Variants in FILIP1L observed in about 807,000 individuals in gnomAD.
The protein encoded by FILIP1L is filamin A-interacting protein 1-like.
In FILIP1L, 55 loss-of-function variants were observed where a neutral mutation model predicts 96.6. That is an observed-to-expected ratio of 0.57 (90% confidence interval 0.46 to 0.71). The LOEUF (loss-of-function observed/expected upper bound fraction) is 0.71, where lower values mean the gene tolerates loss of function less well. Among genes scored for constraint, FILIP1L ranks in the 30% least tolerant of loss-of-function variants. FILIP1L has a pLI of 0.00. For missense variants in FILIP1L, 1,304 were observed against 1,321.2 expected (o/e 0.99, Z 0.20); for synonymous variants, 467 against 473.9 (o/e 0.99, Z 0.19).
intron 1 of FILIP1L, among the ~76,000 whole-genome samples, chr3:99,984,800 A>G (rs780125884): frequency 9.2e-5 from 14 of 152,228 alleles, no homozygotes; most frequent in Non-Finnish European, 1.9e-4. Context: ...TGATAAAATC[A>G]AGGATCATAT....
chr3:99,881,762 A>G (rs539171755), intron 4 of FILIP1L, among the ~76,000 whole-genome samples: 1 of 152,274 alleles, frequency 6.6e-6, no homozygotes, highest in African/African-American at 2.4e-5. Context: ...CGAACTCCTG[A>G]CTTCAGGTGA....
chr3:100,004,098 C>G (rs1197218659), intron 1 of FILIP1L, among the ~76,000 whole-genome samples: 4 of 152,184 alleles, frequency 2.6e-5, no homozygotes, highest in Admixed American at 6.5e-5. Flanking sequence ...ATTCGGCCTA[C>G]TGAGAGACAG....
intron 1 of FILIP1L, among the ~76,000 whole-genome samples, chr3:99,954,004 G>C (rs1708250416): frequency 1.3e-5 from 2 of 152,320 alleles, no homozygotes; most frequent in East Asian, 3.9e-4. Context: ...CCTTATTTTT[G>C]TTGCACCCTT....
In FILIP1L at chr3:100,104,584, G is replaced by A. The variant is rs532584925; in HGVS notation, c.-11+9469C>T. On this transcript the variant is annotated intron_variant, in intron 1 of 5. Coordinates refer to ENST00000477258, the MANE Select transcript of FILIP1L (RefSeq NM_001387850.1). Reference sequence around the variant, plus strand: ...ACAGTGACCAAGGCAGAGAAGAACCGAGTACAGATCTGGCTGACCAAGGCC... The same window carrying A: ...ACAGTGACCAAGGCAGAGAAGAACCAAGTACAGATCTGGCTGACCAAGGCC... Among the ~76,000 whole-genome samples the A allele has an allele frequency of 1.4e-4, 22 of 152,262 alleles. No individual in the cohort carries two copies. In the East Asian group the frequency reaches 3.5e-3, roughly 24 times the overall value.
chr3:100,033,397 A>G (rs1357240782), intron 1 of FILIP1L, among the ~76,000 whole-genome samples: 2 of 152,072 alleles, frequency 1.3e-5, no homozygotes, highest in Admixed American at 6.6e-5. Context: ...CTTCCATCAA[A>G]CCCTCATTCC....
At chr3:99,894,929 T>C (rs1399267847) in intron 4 of FILIP1L, among the ~76,000 whole-genome samples, 1 of 152,246 alleles carries the variant, frequency 6.6e-6, no homozygotes, top group East Asian at 1.9e-4. Context: ...TGGGACCCTA[T>C]GTGTTACACG....
chr3:99,857,856 T>G (rs1944046041), intron 4 of FILIP1L, among the ~76,000 whole-genome samples: 1 of 152,244 alleles, frequency 6.6e-6, no homozygotes, highest in Non-Finnish European at 1.5e-5. Flanking sequence ...AATTTAATGT[T>G]TCTGATGTTA....
intron 4 of FILIP1L, among the ~76,000 whole-genome samples, chr3:99,861,252 AC>A (rs1944237454): frequency 6.6e-6 from 1 of 152,222 alleles, no homozygotes; most frequent in Non-Finnish European, 1.5e-5. Flanking sequence ...TGTCAGACTA[AC>A]AGTTTCAGGT....
intron 3 of FILIP1L, chr3:99,925,915 C>T (rs1304752627): frequency 1.0e-6 from 1 of 983,876 alleles, no homozygotes; most frequent in South Asian, 4.7e-5. Flanking sequence ...GGTAAGCTGC[C>T]ACCAGAAAAA....
At chr3:100,000,429 G>C (rs1381514817) in intron 1 of FILIP1L, among the ~76,000 whole-genome samples, 1 of 152,204 alleles carries the variant, frequency 6.6e-6, no homozygotes, top group Non-Finnish European at 1.5e-5. Context: ...AATGTCGTCA[G>C]CTGTAGATCT....
intron 1 of FILIP1L, among the ~76,000 whole-genome samples, chr3:99,985,251 G>GC (rs1283666512): frequency 2.0e-5 from 3 of 152,142 alleles, no homozygotes; most frequent in Admixed American, 6.5e-5. Flanking sequence ...GTGATCTAGG[G>GC]CCCATCATGG....
chr3:100,002,811 CT>C (rs746484268), intron 1 of FILIP1L, among the ~76,000 whole-genome samples: 6 of 152,136 alleles, frequency 3.9e-5, no homozygotes, highest in Non-Finnish European at 7.3e-5. Flanking sequence ...CATCCCACCC[CT>C]ATGACTTCCC....
chr3:99,849,211 A>G lies in FILIP1L; in HGVS notation c.2465T>C (p.Val822Ala), dbSNP rs753645955. The G allele has an allele frequency of 1.4e-5, 23 of 1,613,972 alleles. No homozygotes were observed. In the South Asian group the frequency reaches 2.5e-4, roughly 18 times the overall value. The change falls in exon 5 of 6, where the codon GTC (valine) becomes GCC (alanine). Residue 822 changes from valine (V) to alanine (A), a missense_variant. Transcript: ENST00000477258. ...YKSLIPLERA[V>A]INGQLYEESE... ...CTCCTCATATAACTGACCATTGATG[A>G]CTGCACGTTCCAGAGGAATGAGGCT... is the stretch of plus-strand genomic sequence containing the variant.
chr3:100,098,973 G>T (rs575426976), intron 1 of FILIP1L, among the ~76,000 whole-genome samples: 1 of 152,202 alleles, frequency 6.6e-6, no homozygotes, highest in African/African-American at 2.4e-5. Flanking sequence ...CCATGCATGG[G>T]ATGTGGAGTA....
At chr3:99,954,358 A>G (rs1708260041) in intron 1 of FILIP1L, among the ~76,000 whole-genome samples, 1 of 152,186 alleles carries the variant, frequency 6.6e-6, no homozygotes, top group African/African-American at 2.4e-5. Flanking sequence ...TATCTCACAT[A>G]ATAATCCAGC....
At chr3:100,075,805 G>A (rs1286588720) in intron 1 of FILIP1L, among the ~76,000 whole-genome samples, 2 of 152,076 alleles carry the variant, frequency 1.3e-5, no homozygotes, top group Admixed American at 1.3e-4. Context: ...TGACTGACCT[G>A]GGGCAATTTA....
chr3:99,932,704 A>G (rs750782538), intron 1 of FILIP1L, among the ~76,000 whole-genome samples: 6 of 152,226 alleles, frequency 3.9e-5, no homozygotes, highest in Non-Finnish European at 8.8e-5. Flanking sequence ...AGCCTGGCCA[A>G]CATGGCGAAA....
At chr3:99,903,921 C>G (rs1281414821) in intron 4 of FILIP1L, among the ~76,000 whole-genome samples, 1 of 152,190 alleles carries the variant, frequency 6.6e-6, no homozygotes. Context: ...AAAAACTCTT[C>G]ATTTGGTAAT....
chr3:100,033,828 A>T (rs2065061696), intron 1 of FILIP1L, among the ~76,000 whole-genome samples: 2 of 152,200 alleles, frequency 1.3e-5, no homozygotes, highest in African/African-American at 2.4e-5. Context: ...AGTATCCAGT[A>T]TACCTGTCTC....
Sources: allele counts gnomAD v4.1 joint callset (sites outside exome capture counted in the v4.1 genomes callset), GRCh38; gene constraint gnomAD v4.1.1; transcripts MANE v1.5; gene names NCBI Gene and HGNC (gene_info 2026-07-23, HGNC 2026-07-21).